FBXO31: variants seen among roughly 807,000 people sequenced by gnomAD.
FBXO31 encodes F-box only protein 31.
A neutral mutation model predicts 54.4 loss-of-function variants in FBXO31; 24 were observed. The observed-to-expected ratio is 0.44, with a 90% CI of 0.32 to 0.62. The LOEUF is 0.62. FBXO31 is among the 20% of genes least tolerant of loss of function. The probability of loss-of-function intolerance (pLI) is 0.05; values close to 1 mark genes in which losing one functional copy is unlikely to be tolerated. For synonymous variants in FBXO31, 388 were observed against 335.6 expected, an observed-to-expected ratio of 1.16 and a Z score of -1.71; for missense variants, 665 against 787.1, an observed-to-expected ratio of 0.84 and a Z score of 1.86.
At chr16:87,386,518 C>G (rs1481852604), upstream of FBXO31, among the ~76,000 whole-genome samples, 1 of 152,220 alleles carries the variant, frequency 6.6e-6, no homozygotes, top group Non-Finnish European at 1.5e-5. Context: ...CTGCAGCCCC[C>G]GCCTCCCGGG....
intron 8 of FBXO31, among the ~76,000 whole-genome samples, chr16:87,333,639 T>A (rs1474232285): frequency 3.9e-5 from 6 of 152,150 alleles, no homozygotes; most frequent in Non-Finnish European, 7.4e-5. Flanking sequence ...CCCCTGCAGC[T>A]CTGAGGTACC....
chr16:87,366,228 T>C (rs1906363327), intron 1 of FBXO31, among the ~76,000 whole-genome samples: 1 of 152,082 alleles, frequency 6.6e-6, no homozygotes, highest in Admixed American at 6.6e-5. Flanking sequence ...TCATAACACA[T>C]CATTATTGGT....
At position 87,346,026 on chromosome 16, in the gene FBXO31, AGAG is replaced by A. The variant is rs888833201; in HGVS notation, c.489+1145_489+1147del. 2.0e-5 allele frequency among the ~76,000 whole-genome samples: 3 copies of A among 152,204 alleles called. No homozygotes were observed. The highest frequency in any genetic ancestry group is 6.5e-5 in the Admixed American group (1 of 15,278). On this transcript the variant is annotated intron_variant, in intron 3 of 8. Coordinates refer to ENST00000311635, the MANE Select transcript of FBXO31 (RefSeq NM_024735.5). The surrounding 1 kb of genome is among the most constrained non-coding windows in gnomAD (Gnocchi z 4.2). ...GAGGAGGGAAGCAGAGTGGCTGCTG[AGAG>A]GAGAAGGGGCCAAGCGAAGCGTGAC...
At position 87,336,180 on chromosome 16, in the gene FBXO31, T is replaced by G. The variant is rs901937905; in HGVS notation, c.817A>C (p.Lys273Gln). The change falls in exon 6 of 9, where the codon AAG (lysine) becomes CAG (glutamine). Residue 273 changes from lysine (K) to glutamine (Q), a missense_variant. Physicochemically the swap from Lys to Gln is moderately conservative, Grantham distance 53. Coordinates refer to ENST00000311635, the MANE Select transcript of FBXO31 (RefSeq NM_024735.5). The surrounding 1 kb of genome is among the most constrained non-coding windows in gnomAD (Gnocchi z 6.5). ...TCGTACTGACTGGTGTAGATGAACT[T>G]CATCAGGATGAGCTCCTGCATGTGC... ...HEHMQELILM[K>Q]FIYTSQYDNC... 1 of 1,614,060 alleles carries G rather than the reference T, an allele frequency of 6.2e-7. No homozygotes were observed.
chr16:87,331,199 G>C lies in FBXO31; in HGVS notation c.*89C>G, dbSNP rs865900194. 7.3e-7 allele frequency: 1 copy of C among 1,371,290 alleles called. No individual in the cohort carries two copies. Among genetic ancestry groups the C allele is most frequent in the Non-Finnish European group, 1.0e-6 (1 of 982,968 alleles). The allele number at this position is 1,371,290 out of a possible 1,614,324, so 84.9% of individuals were successfully genotyped here. On this transcript the variant is annotated 3_prime_UTR_variant, in exon 9 of 9. Transcript: ENST00000311635. ...AGGTGTGCGTTCTGGTCAAAAGGCC[G>C]GATTTCCAAAGTGCATGCTGCTTCT... is the stretch of plus-strand genomic sequence containing the variant.
At chr16:87,348,461 T>C (rs1489896816) in intron 2 of FBXO31, among the ~76,000 whole-genome samples, 1 of 152,212 alleles carries the variant, frequency 6.6e-6, no homozygotes, top group Non-Finnish European at 1.5e-5. Flanking sequence ...TGACCTTCCC[T>C]GAACACGCCT....
In FBXO31 at chr16:87,383,364, A is replaced by ACCCCCC; in HGVS notation, c.340+35_340+40dup. ...GCTCCGAGGCCTCCACCTGGCAGGG[A>ACCCCCC]CCCCCCGCCCCTCCCGGCCCCGCCA... is the stretch of plus-strand genomic sequence containing the variant. On this transcript the variant is annotated intron_variant, in intron 1 of 8. Coordinates refer to ENST00000311635, the MANE Select transcript of FBXO31 (RefSeq NM_024735.5). This position sits in a 1 kb window ranked among gnomAD's most constrained non-coding sequence, Gnocchi z 4.9. 2 of 1,329,440 alleles carry ACCCCCC rather than the reference A, an allele frequency of 1.5e-6. No homozygotes were observed. The highest frequency in any genetic ancestry group is 2.0e-6 in the Non-Finnish European group (2 of 975,772). The allele number at this position is 1,329,440 out of a possible 1,614,324, so 82.4% of individuals were successfully genotyped here.
chr16:87,343,627 G>A lies in FBXO31; in HGVS notation c.628C>T (p.His210Tyr), dbSNP rs374995854. 1.2e-6 allele frequency: 2 copies of A among 1,612,660 alleles called. No individual in the cohort carries two copies. The highest frequency in any genetic ancestry group is 1.7e-6 in the Non-Finnish European group (2 of 1,179,490). Residue 210 changes from histidine to tyrosine, a missense_variant, in exon 4 of 9, where the codon CAC becomes TAC. His to Tyr is a moderately conservative substitution (Grantham distance 83). Transcript: ENST00000311635. Reference protein sequence around the residue: ...KAATVECMYGHKGPHHGHIQI... With the variant: ...KAATVECMYGYKGPHHGHIQI... ...ATGTGGCCGTGGTGGGGCCCTTTGTGGCCGTACATGCACTCCACTGTGGCA... is the reference window on the plus strand; with the variant it reads ...ATGTGGCCGTGGTGGGGCCCTTTGTAGCCGTACATGCACTCCACTGTGGCA...
Position 87,342,749 on chromosome 16 carries a change from G to C in FBXO31, c.732+128C>G. On this transcript the variant is annotated intron_variant, in intron 5 of 8. Coordinates refer to ENST00000311635, the MANE Select transcript of FBXO31 (RefSeq NM_024735.5). ...ACGGTCTGCACTGACAATACCGGCT[G>C]AACCATGTGAAACAGCCACCATGCA... 8.1e-6 allele frequency: 6 copies of C among 743,124 alleles called. No individual in the cohort carries two copies. In the African/African-American group the frequency reaches 1.1e-4, roughly 13 times the overall value. 46.0% of individuals were successfully genotyped at this position (743,124 alleles called of 1,614,324 possible). A position where few individuals can be genotyped will look rare whatever the true frequency, so the allele number is the denominator to read the frequency against.
At chr16:87,354,341 G>A (rs1372581176) in intron 2 of FBXO31, among the ~76,000 whole-genome samples, 1 of 152,016 alleles carries the variant, frequency 6.6e-6, no homozygotes, top group Non-Finnish European at 1.5e-5. Context: ...CAGGTGTGGT[G>A]GCACACACCT....
At chr16:87,380,598 G>A (rs969893830) in intron 1 of FBXO31, among the ~76,000 whole-genome samples, 1 of 152,128 alleles carries the variant, frequency 6.6e-6, no homozygotes, top group Non-Finnish European at 1.5e-5. Context: ...ATGTTGCCGA[G>A]GCTGGTCTTG....
intron 1 of FBXO31, chr16:87,367,822 A>C (rs1447585944): frequency 1.3e-5 from 2 of 152,226 alleles, no homozygotes; most frequent in African/African-American, 2.4e-5. Context: ...TGCCGCCTGA[A>C]GTCATAAGCC....
intron 8 of FBXO31, among the ~76,000 whole-genome samples, chr16:87,333,387 C>G (rs1567612644): frequency 6.6e-6 from 1 of 152,164 alleles, no homozygotes; most frequent in Non-Finnish European, 1.5e-5. Context: ...AAGCAGGACC[C>G]ACATCTGAAC....
chr16:87,363,395 AAAAT>A (rs1242172711), intron 1 of FBXO31, among the ~76,000 whole-genome samples: 2 of 152,190 alleles, frequency 1.3e-5, no homozygotes, highest in African/African-American at 4.8e-5. Flanking sequence ...AAAAAAAATA[AAAAT>A]AAAAATAAAT....
intron 1 of FBXO31, among the ~76,000 whole-genome samples, chr16:87,374,545 G>T: frequency 6.6e-6 from 1 of 152,218 alleles, no homozygotes; most frequent in Non-Finnish European, 1.5e-5. Flanking sequence ...AAGCCCGACT[G>T]TCTGTATAGG....
rs750186501 is a variant in FBXO31 at position 87,334,012 on chromosome 16, C to A, written c.1271G>T (p.Gly424Val). The change falls in exon 8 of 9, where the codon GGT (glycine) becomes GTT (valine). Residue 424 changes from glycine to valine, a missense_variant. This residue lies in a region of FBXO31 where 165 missense variants were observed against 159.7 expected (regional missense o/e 1.03). Coordinates refer to ENST00000311635, the MANE Select transcript of FBXO31 (RefSeq NM_024735.5). ...KGPDGTPGED[G>V]GEPGDAVAAA... ...AGCTACGGCATCCCCAGGCTCGCCA[C>A]CATCCTCACCAGGTGTCCCATCTGG... 83 of 1,612,810 alleles carry A rather than the reference C, an allele frequency of 5.1e-5. No homozygotes were observed. Among genetic ancestry groups the A allele is most frequent in the Non-Finnish European group, 4.1e-5 (48 of 1,179,784 alleles).
intron 1 of FBXO31, among the ~76,000 whole-genome samples, chr16:87,379,148 G>C (rs1029225635): frequency 6.6e-6 from 1 of 151,976 alleles, no homozygotes; most frequent in African/African-American, 2.4e-5. Flanking sequence ...TTTTGAGATG[G>C]AGTCTCACTC....
chr16:87,376,107 T>C (rs1906813633), intron 1 of FBXO31, among the ~76,000 whole-genome samples: 1 of 152,148 alleles, frequency 6.6e-6, no homozygotes, highest in Admixed American at 6.6e-5. Context: ...CACAGCATCC[T>C]ATCCCTTTAG....
At chr16:87,373,362 G>A (rs1906682834) in intron 1 of FBXO31, among the ~76,000 whole-genome samples, 1 of 152,142 alleles carries the variant, frequency 6.6e-6, no homozygotes, top group Non-Finnish European at 1.5e-5. Flanking sequence ...TGAGGCAGGA[G>A]AATGGCGTGA....
Sources: gnomAD v4.1 joint callset for allele counts (sites outside exome capture counted in the v4.1 genomes callset) on GRCh38, gnomAD v4.1.1 for gene constraint, gnomAD v4.1.1 regional missense constraint, Gnocchi (gnomAD v3.1) non-coding constraint, MANE v1.5 for transcripts, NCBI Gene and HGNC (gene_info 2026-07-23, HGNC 2026-07-21) for gene names.